Variants in ADAMTS19 observed in about 807,000 individuals in gnomAD.
The protein encoded by ADAMTS19 is A disintegrin and metalloproteinase with thrombospondin motifs 19.
A neutral mutation model predicts 153.3 loss-of-function variants in ADAMTS19; 93 were observed. The observed-to-expected ratio is 0.61, with a 90% confidence interval of 0.51 to 0.72. ADAMTS19 has a LOEUF of 0.72. Ranked by LOEUF, ADAMTS19 falls within the 30% of genes least tolerant of loss-of-function variation. ADAMTS19 has a pLI of 0.00. For missense variants in ADAMTS19, 1,482 were observed against 1,552.1 expected (o/e 0.95, Z 0.76); for synonymous variants, 600 against 556.6 (o/e 1.08, Z -1.10).
chr5:129,544,467 G>T (rs1025446860), intron 6 of ADAMTS19, among the ~76,000 whole-genome samples: 13 of 152,092 alleles, frequency 8.5e-5, no homozygotes, highest in African/African-American at 3.1e-4. Context: ...ATTCCTATAT[G>T]GTAGGTCACA....
chr5:129,613,901 T>C (rs1751364927), intron 8 of ADAMTS19, among the ~76,000 whole-genome samples: 1 of 152,070 alleles, frequency 6.6e-6, no homozygotes, highest in Non-Finnish European at 1.5e-5. Flanking sequence ...GAGAATACTA[T>C]AAACACCTCT....
At position 129,613,210 on chromosome 5, in the gene ADAMTS19, C is replaced by T. The variant is rs142225156; in HGVS notation, c.1479-7408C>T. Among the ~76,000 whole-genome samples the T allele has an allele frequency of 6.0e-3, 906 of 152,216 alleles. 9 individuals carry two copies. The highest frequency in any genetic ancestry group is 0.02 in the African/African-American group (840 of 41,532). On this transcript the variant is annotated intron_variant, in intron 8 of 22. Coordinates refer to ENST00000274487, the MANE Select transcript of ADAMTS19 (RefSeq NM_133638.6). Reference sequence around the variant, plus strand: ...CCTAATAGACATCTACAGAACTCTCCACCCCAAATCACAGAATATACATTC... The same window carrying T: ...CCTAATAGACATCTACAGAACTCTCTACCCCAAATCACAGAATATACATTC...
intron 10 of ADAMTS19, among the ~76,000 whole-genome samples, chr5:129,628,477 A>G (rs919487824): frequency 1.3e-5 from 2 of 152,104 alleles, no homozygotes; most frequent in Non-Finnish European, 2.9e-5. Flanking sequence ...AAAAATTTTT[A>G]AAGCTGAAGA....
At chr5:129,665,041 C>T (rs1311981658) in intron 15 of ADAMTS19, among the ~76,000 whole-genome samples, 1 of 152,040 alleles carries the variant, frequency 6.6e-6, no homozygotes, top group Non-Finnish European at 1.5e-5. Context: ...TCTCTAGTGT[C>T]CTATACTTCA....
At chr5:129,661,817 A>G (rs1414888074) in intron 15 of ADAMTS19, among the ~76,000 whole-genome samples, 2 of 152,250 alleles carry the variant, frequency 1.3e-5, no homozygotes, top group Non-Finnish European at 2.9e-5. Flanking sequence ...TTTATATAAG[A>G]AAATGAAGTA....
intron 2 of ADAMTS19, among the ~76,000 whole-genome samples, chr5:129,465,365 T>C (rs1297476956): frequency 1.4e-5 from 2 of 144,790 alleles, no homozygotes; most frequent in African/African-American, 5.6e-5. Context: ...ATAAGCTATA[T>C]TAGTATATAC....
intron 11 of ADAMTS19, among the ~76,000 whole-genome samples, chr5:129,647,530 T>A (rs765661871): frequency 3.3e-5 from 5 of 152,188 alleles, no homozygotes; most frequent in Non-Finnish European, 4.4e-5. Flanking sequence ...TTCTTAGGGC[T>A]ATAGTAACAA....
chr5:129,640,417 T>C (rs1581174741), intron 10 of ADAMTS19, among the ~76,000 whole-genome samples: 2 of 152,318 alleles, frequency 1.3e-5, no homozygotes, highest in African/African-American at 4.8e-5. Flanking sequence ...TCTGTTACAA[T>C]TTAAATATAT....
intron 9 of ADAMTS19, among the ~76,000 whole-genome samples, chr5:129,621,984 C>T (rs1196812945): frequency 6.6e-6 from 1 of 152,060 alleles, no homozygotes; most frequent in East Asian, 1.9e-4. Context: ...TTTTGTACAC[C>T]ATAAAGTTCT....
In ADAMTS19 at chr5:129,592,340, C is replaced by T. The variant is rs1025983692; in HGVS notation, c.1373-4219C>T. On this transcript the variant is annotated intron_variant, in intron 7 of 22. Coordinates refer to ENST00000274487, the MANE Select transcript of ADAMTS19 (RefSeq NM_133638.6). ...GTTGCAGTGAGCCGAGATCATGCCA[C>T]TGCACTCAGCCTGGGCGACAGAGTG... Among the ~76,000 whole-genome samples the T allele has an allele frequency of 5.7e-5, 8 of 141,434 alleles. No homozygotes were observed. In the South Asian group the frequency reaches 1.7e-3, roughly 31 times the overall value. The allele number at this position is 141,434 out of a possible 152,430, so 92.8% of individuals were successfully genotyped here. A position where few individuals can be genotyped will look rare whatever the true frequency, so the allele number is the denominator to read the frequency against.
rs114534327 is a variant in ADAMTS19 at position 129,677,054 on chromosome 5, T to C, written c.2507-2710T>C. Among the ~76,000 whole-genome samples the C allele has an allele frequency of 4.2e-3, 633 of 152,282 alleles. 5 individuals are homozygous for C. Among genetic ancestry groups the C allele is most frequent in the African/African-American group, 0.015 (609 of 41,558 alleles). ...CAAAAAGATTCCTCAAAATACTTAA[T>C]AGACTTTAATGAAAAACAAGGAAAT... On this transcript the variant is annotated intron_variant, in intron 16 of 22. Coordinates refer to ENST00000274487, the MANE Select transcript of ADAMTS19 (RefSeq NM_133638.6).
intron 7 of ADAMTS19, among the ~76,000 whole-genome samples, chr5:129,572,548 C>T (rs1161759718): frequency 6.6e-6 from 1 of 151,922 alleles, no homozygotes; most frequent in Admixed American, 6.6e-5. Context: ...AATGGATAAA[C>T]AATCTGTGGT....
At chr5:129,472,777 A>G in intron 2 of ADAMTS19, among the ~76,000 whole-genome samples, 1 of 150,602 alleles carries the variant, frequency 6.6e-6, no homozygotes, top group Admixed American at 6.6e-5. Context: ...TTATGTTATT[A>G]TATTTCTTAA....
chr5:129,472,416 A>C (rs1201614508), intron 2 of ADAMTS19, among the ~76,000 whole-genome samples: 1 of 152,158 alleles, frequency 6.6e-6, no homozygotes, highest in Non-Finnish European at 1.5e-5. Flanking sequence ...TCTTTTTGGA[A>C]AGTTCCAGTA....
rs548369074 is a variant in ADAMTS19, at chr5:129,469,849, T to C, written c.747+8092T>C. 4.9e-4 allele frequency among the ~76,000 whole-genome samples: 74 copies of C among 152,324 alleles called. 1 individual carries two copies. The South Asian group carries it at 0.015, about 32-fold the overall frequency. ...TGGTTTTTAAGTGTACCTACCTTTA[T>C]GGCATTCTGTGGATTTCCAGTTTAG... is the stretch of plus-strand genomic sequence containing the variant. On this transcript the variant is annotated intron_variant, in intron 2 of 22. Transcript: ENST00000274487.
At chr5:129,577,053 C>T (rs1448960347) in intron 7 of ADAMTS19, among the ~76,000 whole-genome samples, 1 of 152,082 alleles carries the variant, frequency 6.6e-6, no homozygotes, top group Non-Finnish European at 1.5e-5. Flanking sequence ...ATTTTCACTG[C>T]TTTTCTTCTT....
At chr5:129,631,194 T>C in intron 10 of ADAMTS19, among the ~76,000 whole-genome samples, 1 of 148,196 alleles carries the variant, frequency 6.7e-6, no homozygotes, top group Admixed American at 6.7e-5. Flanking sequence ...CACTTAAGCA[T>C]TCACCTCTTA....
At chr5:129,581,956 G>C (rs191092728) in intron 7 of ADAMTS19, among the ~76,000 whole-genome samples, 1 of 152,028 alleles carries the variant, frequency 6.6e-6, no homozygotes, top group East Asian at 1.9e-4. Flanking sequence ...GATTGCATTG[G>C]GGTCTGAGAG....
At chr5:129,478,897 C>T (rs562207846) in intron 2 of ADAMTS19, among the ~76,000 whole-genome samples, 1 of 152,230 alleles carries the variant, frequency 6.6e-6, no homozygotes, top group East Asian at 1.9e-4. Flanking sequence ...AATGGAGGCG[C>T]TGTAGTTTTC....
Sources: gnomAD v4.1 joint callset for allele counts (sites outside exome capture counted in the v4.1 genomes callset) on GRCh38, gnomAD v4.1.1 for gene constraint, MANE v1.5 for transcripts, NCBI Gene and HGNC (gene_info 2026-07-23, HGNC 2026-07-21) for gene names.